The following RFX2 variants were observed in gnomAD, a reference collection of about 807,000 sequenced individuals.
RFX2 encodes DNA-binding protein RFX2.
RFX2 carries 20 observed loss-of-function variants against 87.8 expected under a neutral mutation model. The observed-to-expected ratio is 0.23, with a 90% CI of 0.16 to 0.33. The LOEUF is 0.33. RFX2 is among the 10% of genes least tolerant of loss of function. RFX2 has a pLI of 1.00. For synonymous variants in RFX2, 397 were observed against 431.3 expected (o/e 0.92, Z 0.98); for missense variants, 767 against 1,012.3 (o/e 0.76, Z 3.29).
chr19:6,034,227 ATTTTT>A (rs1167004611), intron 5 of RFX2, among the ~76,000 whole-genome samples: 1 of 117,624 alleles, frequency 8.5e-6, no homozygotes, highest in Admixed American at 8.4e-5. Context: ...CACACTGCTA[ATTTTT>A]TTTTTTTTTT....
chr19:6,089,709 C>A (rs2087906818), intron 1 of RFX2, among the ~76,000 whole-genome samples: 1 of 152,196 alleles, frequency 6.6e-6, no homozygotes, highest in Non-Finnish European at 1.5e-5. Context: ...GACTTCCCAG[C>A]CTCCAGAGCT....
At position 5,999,242 on chromosome 19, in the gene RFX2, G is replaced by A. The variant is rs547204943; in HGVS notation, c.1860-2029C>T. ...TTGCACTCCAGCCTGGTGACAGAGC[G>A]AGACTCTGTCTCAAAAAACAAGCAA... On this transcript the variant is annotated intron_variant, in intron 15 of 17. Coordinates refer to ENST00000303657, the MANE Select transcript of RFX2 (RefSeq NM_000635.4). This position sits in a 1 kb window ranked among gnomAD's most constrained non-coding sequence, Gnocchi z 4.1. Among the ~76,000 whole-genome samples, 13 of 152,226 alleles carry A rather than the reference G, an allele frequency of 8.5e-5. No homozygotes were observed. The highest frequency in any genetic ancestry group is 2.6e-4 in the Admixed American group (4 of 15,294).
At position 6,044,247 on chromosome 19, in the gene RFX2, T is replaced by G; in HGVS notation, c.126A>C (p.Lys42Asn). ...VLVQAASSNP[K>N]GAQMQPISLP... Reference sequence around the variant, plus strand: ...GGGAGATCGGCTGCATCTGGGCCCCTTTGGGATTGGAGCTGGCTGCCTGGA... The same window carrying G: ...GGGAGATCGGCTGCATCTGGGCCCCGTTGGGATTGGAGCTGGCTGCCTGGA... The change falls in exon 3 of 18, where the codon AAA becomes AAC. Residue 42 changes from lysine (K) to asparagine (N), a missense_variant. Physicochemically the swap from Lys to Asn is moderately conservative, Grantham distance 94. This residue lies in a region of RFX2 where 146 missense variants were observed against 139.2 expected (regional missense o/e 1.05). Coordinates refer to ENST00000303657, the MANE Select transcript of RFX2 (RefSeq NM_000635.4). The surrounding 1 kb of genome is among the most constrained non-coding windows in gnomAD (Gnocchi z 5.3). The G allele has an allele frequency of 6.4e-7, 1 of 1,574,228 alleles. No individual in the cohort carries two copies. Among genetic ancestry groups the G allele is most frequent in the Non-Finnish European group, 8.6e-7 (1 of 1,160,632 alleles).
At chr19:6,073,374 T>G in intron 1 of RFX2, 4 of 1,299,652 alleles carry the variant, frequency 3.1e-6, no homozygotes, top group Non-Finnish European at 3.3e-6. Context: ...GTCCCCAGCG[T>G]CAAGGAGCTG....
chr19:6,035,036 T>G (rs1320018121), intron 5 of RFX2, among the ~76,000 whole-genome samples: 3 of 152,230 alleles, frequency 2.0e-5, no homozygotes, highest in Admixed American at 2.0e-4. Flanking sequence ...TTAAAATCCA[T>G]TAGACTTTTT....
chr19:6,073,543 G>C (rs552779169), intron 1 of RFX2: 459 of 568,960 alleles, frequency 8.1e-4, no homozygotes, highest in Non-Finnish European at 1.1e-3. Flanking sequence ...CGGCTCATGT[G>C]CATGTTTTGT....
At chr19:6,080,264 G>C (rs909162879) in intron 1 of RFX2, among the ~76,000 whole-genome samples, 1 of 151,962 alleles carries the variant, frequency 6.6e-6, no homozygotes, top group African/African-American at 2.4e-5. Context: ...CAGAGAGAGA[G>C]AGAGAGAGAA....
rs1388864598 is a variant in RFX2 at position 6,002,722 on chromosome 19, T to C, written c.1649A>G (p.Gln550Arg). The C allele has an allele frequency of 6.2e-7, 1 of 1,613,434 alleles. No individual in the cohort carries two copies. The highest frequency in any genetic ancestry group is 8.5e-7 in the Non-Finnish European group (1 of 1,179,906). Residue 550 changes from glutamine to arginine, a missense_variant and splice_region_variant, in exon 14 of 18, where the codon CAG (glutamine) becomes CGG (arginine). This residue lies in a region of RFX2 where 621 missense variants were observed against 873.0 expected (regional missense o/e 0.71). Transcript: ENST00000303657. The surrounding 1 kb of genome is among the most constrained non-coding windows in gnomAD (Gnocchi z 6.7). ...DLNRVDFANV[Q>R]EQASWVCQCE... Reference sequence around the variant, plus strand: ...TGGGGACGGTGTGGAGGAAGTCACCTGCACGTTGGCAAAGTCCACGCGGTT... The same window carrying C: ...TGGGGACGGTGTGGAGGAAGTCACCCGCACGTTGGCAAAGTCCACGCGGTT...
intron 5 of RFX2, among the ~76,000 whole-genome samples, chr19:6,033,265 G>A (rs1225663018): frequency 6.6e-6 from 1 of 152,114 alleles, no homozygotes; most frequent in Non-Finnish European, 1.5e-5. Context: ...GACCCAATCT[G>A]GGATCACATA....
At position 5,996,948 on chromosome 19, in the gene RFX2, C is replaced by T. The variant is rs542324543; in HGVS notation, c.2013+112G>A. ...TTATCGAGCTGCAGCTCTGTCCGGG[C>T]GGCAGAGCAGTGGGACCTGCGAGTG... On this transcript the variant is annotated intron_variant, in intron 16 of 17. Transcript: ENST00000303657. The T allele has an allele frequency of 4.9e-4, 548 of 1,124,548 alleles. 7 individuals are homozygous for T. In the East Asian group the frequency reaches 0.012, roughly 24 times the overall value. The allele number at this position is 1,124,548 out of a possible 1,614,324, so 69.7% of individuals were successfully genotyped here. A position where few individuals can be genotyped will look rare whatever the true frequency, so the allele number is the denominator to read the frequency against.
At chr19:6,069,316 C>T (rs1330543046) in intron 1 of RFX2, among the ~76,000 whole-genome samples, 1 of 151,848 alleles carries the variant, frequency 6.6e-6, no homozygotes, top group East Asian at 1.9e-4. Flanking sequence ...GGGGACATGA[C>T]CTAGAGCCAC....
rs1242468160 is a variant in RFX2 at position 6,047,397 on chromosome 19, C to T, written c.90+10G>A. On this transcript the variant is annotated intron_variant, in intron 2 of 17. Coordinates refer to ENST00000303657, the MANE Select transcript of RFX2 (RefSeq NM_000635.4). The surrounding 1 kb of genome is among the most constrained non-coding windows in gnomAD (Gnocchi z 4.2). ...TGGCCACCCTGTTGTTGCTGAGAGG[C>T]GCGCGTTACCTGCGGGGAGGCTGGC... 21 of 1,599,632 alleles carry T rather than the reference C, an allele frequency of 1.3e-5. No homozygotes were observed. The highest frequency in any genetic ancestry group is 1.6e-5 in the Non-Finnish European group (19 of 1,173,258).
chr19:6,058,670 C>T (rs1485480928), intron 1 of RFX2, among the ~76,000 whole-genome samples: 6 of 151,928 alleles, frequency 3.9e-5, no homozygotes. Context: ...TCTCTGAAAT[C>T]AAGTATCTTC....
At position 6,040,139 on chromosome 19, in the gene RFX2, G is replaced by A. The variant is rs1051283859; in HGVS notation, c.363C>T (p.Ala121=). ...APGGAQVTVA[A]SSPPAVPSHS... is the part of the protein sequence containing the mutation. ...GGGAGGGGACCGCTGGCGGGGACGA[G>A]GCTGCCACGGTCACCTGGGCACCGC... Residue 121 remains alanine, a synonymous_variant, in exon 5 of 18, where the codon GCC becomes GCT. Transcript: ENST00000303657. This position sits in a 1 kb window ranked among gnomAD's most constrained non-coding sequence, Gnocchi z 6.1. 1 of 1,608,824 alleles carries A rather than the reference G, an allele frequency of 6.2e-7. No homozygotes were observed. The highest frequency in any genetic ancestry group is 8.5e-7 in the Non-Finnish European group (1 of 1,176,968).
At chr19:6,000,919 T>C (rs2086482206) in intron 15 of RFX2, among the ~76,000 whole-genome samples, 1 of 152,180 alleles carries the variant, frequency 6.6e-6, no homozygotes, top group Non-Finnish European at 1.5e-5. Flanking sequence ...TAACTGGCTC[T>C]TTTTTTAAAA....
rs113455825 is a variant in RFX2, at chr19:6,023,785, CTT to C, written c.597+2376_597+2377del. 6.9e-6 allele frequency among the ~76,000 whole-genome samples: 1 copy of C among 145,564 alleles called. No homozygotes were observed. On this transcript the variant is annotated intron_variant, in intron 6 of 17. Coordinates refer to ENST00000303657, the MANE Select transcript of RFX2 (RefSeq NM_000635.4). The surrounding 1 kb of genome is among the most constrained non-coding windows in gnomAD (Gnocchi z 4.9). ...ATGCATTTTCCCATAGACATTTTTT[CTT>C]TTTTTTTTTTGAGATGGAGTCTCGC...
intron 5 of RFX2, among the ~76,000 whole-genome samples, chr19:6,036,768 C>G (rs1452492534): frequency 6.6e-6 from 1 of 152,180 alleles, no homozygotes; most frequent in South Asian, 2.1e-4. Flanking sequence ...GAAAAACCCA[C>G]AGCTAACATC....
intron 1 of RFX2, chr19:6,067,871 C>G (rs1168557358): frequency 6.6e-6 from 1 of 152,212 alleles, no homozygotes; most frequent in Admixed American, 6.5e-5. Context: ...AAGGAGCTCT[C>G]AGCGGAGGTT....
In RFX2 at chr19:6,061,077, C is replaced by T. The variant is rs184979195; in HGVS notation, c.-8-13573G>A. ...GGGCATCTCCCTGCGCCCCGGGACA[C>T]GTGTCGCTGGTGACTCAGCCTGCTG... is the stretch of plus-strand genomic sequence containing the variant. On this transcript the variant is annotated intron_variant, in intron 1 of 17. Transcript: ENST00000303657. This position sits in a 1 kb window ranked among gnomAD's most constrained non-coding sequence, Gnocchi z 5.2. Among the ~76,000 whole-genome samples the T allele has an allele frequency of 9.2e-5, 14 of 152,298 alleles. No homozygotes were observed. The highest frequency in any genetic ancestry group is 2.1e-4 in the South Asian group (1 of 4,818).
Sources: gnomAD v4.1 joint callset for allele counts (sites outside exome capture counted in the v4.1 genomes callset) on GRCh38, gnomAD v4.1.1 for gene constraint, gnomAD v4.1.1 regional missense constraint, Gnocchi (gnomAD v3.1) non-coding constraint, MANE v1.5 for transcripts, NCBI Gene and HGNC (gene_info 2026-07-23, HGNC 2026-07-21) for gene names.